Variants in SPMIP2 observed in about 807,000 individuals in gnomAD.
SPMIP2 encodes the protein protein SPMIP2.
chr4:158,942,763 C>A, the SPMIP2 span, among the ~76,000 whole-genome samples: 1 of 152,036 alleles, frequency 6.6e-6, no homozygotes, highest in Admixed American at 6.6e-5. Context: ...GACCACAGAG[C>A]AAGACTCTGT....
At chr4:159,063,699 C>A in the SPMIP2 span, among the ~76,000 whole-genome samples, 1 of 151,922 alleles carries the variant, frequency 6.6e-6, no homozygotes, top group African/African-American at 2.4e-5. Context: ...TATCAAAAGA[C>A]GGCCGAAAGC....
the SPMIP2 span, among the ~76,000 whole-genome samples, chr4:158,953,853 G>A: frequency 4.6e-5 from 7 of 152,154 alleles, no homozygotes; most frequent in Admixed American, 6.5e-5. Flanking sequence ...GACTTGCATG[G>A]GCCCTGTAAC....
At chr4:158,958,478 C>T in the SPMIP2 span, among the ~76,000 whole-genome samples, 523 of 152,292 alleles carry the variant, frequency 3.4e-3, 3 homozygotes, top group African/African-American at 0.012. Context: ...CAATGTCTGC[C>T]TCCTCCCCTA....
At chr4:158,917,445 G>A in the SPMIP2 span, among the ~76,000 whole-genome samples, 1 of 151,704 alleles carries the variant, frequency 6.6e-6, no homozygotes, top group Non-Finnish European at 1.5e-5. Context: ...AACCTCAGTT[G>A]ATCCTTCTGG....
At chr4:159,024,142 A>G in the SPMIP2 span, among the ~76,000 whole-genome samples, 1 of 152,338 alleles carries the variant, frequency 6.6e-6, no homozygotes, top group African/African-American at 2.4e-5. Context: ...TCCAGAAATT[A>G]TCTCCTTATT....
At chr4:158,973,236 A>G in the SPMIP2 span, 3 of 1,613,734 alleles carry the variant, frequency 1.9e-6, no homozygotes, top group Admixed American at 3.3e-5. Context: ...AGTTTTTTCT[A>G]ACGCCAGATG....
chr4:159,005,575 C>A, the SPMIP2 span, among the ~76,000 whole-genome samples: 1 of 152,120 alleles, frequency 6.6e-6, no homozygotes, highest in Non-Finnish European at 1.5e-5. Context: ...CAGCCACTAG[C>A]CACATGTGTT....
the SPMIP2 span, among the ~76,000 whole-genome samples, chr4:158,917,739 T>C: frequency 1.4e-5 from 2 of 144,560 alleles, no homozygotes; most frequent in South Asian, 2.2e-4. Flanking sequence ...TTTTTTTTTT[T>C]TTTTGAGACA....
the SPMIP2 span, among the ~76,000 whole-genome samples, chr4:158,900,816 G>A: frequency 6.6e-6 from 1 of 152,104 alleles, no homozygotes; most frequent in Non-Finnish European, 1.5e-5. Context: ...TTTAATTGGG[G>A]CATTTAGCCC....
At chr4:158,919,912 C>T in the SPMIP2 span, among the ~76,000 whole-genome samples, 2 of 152,082 alleles carry the variant, frequency 1.3e-5, no homozygotes, top group Admixed American at 1.3e-4. Context: ...CTTTTCCCAC[C>T]CCAGCCCTGG....
the SPMIP2 span, among the ~76,000 whole-genome samples, chr4:158,899,344 A>G: frequency 1.3e-5 from 2 of 152,162 alleles, no homozygotes; most frequent in Non-Finnish European, 2.9e-5. Context: ...TTTTGCTTTC[A>G]GGATGATGCT....
chr4:158,965,189 G>A, the SPMIP2 span, among the ~76,000 whole-genome samples: 1 of 151,548 alleles, frequency 6.6e-6, no homozygotes, highest in African/African-American at 2.4e-5. Flanking sequence ...TTTTCTCCCA[G>A]TATCCTTCCA....
chr4:159,013,758 A>G, the SPMIP2 span, among the ~76,000 whole-genome samples: 4 of 151,198 alleles, frequency 2.6e-5, no homozygotes, highest in Admixed American at 6.6e-5. Context: ...ACAATGCAAT[A>G]TTATTTAGTC....
At chr4:158,995,495 G>A in the SPMIP2 span, among the ~76,000 whole-genome samples, 4 of 152,094 alleles carry the variant, frequency 2.6e-5, no homozygotes, top group Admixed American at 1.3e-4. Flanking sequence ...GTGAACAAAG[G>A]TCATTATGAC....
the SPMIP2 span, among the ~76,000 whole-genome samples, chr4:158,947,131 G>A: frequency 2.6e-5 from 4 of 152,104 alleles, no homozygotes; most frequent in African/African-American, 7.2e-5. Flanking sequence ...AAGTAAGAAT[G>A]GGCACTAATT....
At chr4:158,983,205 A>G in the SPMIP2 span, among the ~76,000 whole-genome samples, 10 of 152,154 alleles carry the variant, frequency 6.6e-5, no homozygotes, top group African/African-American at 1.9e-4. Flanking sequence ...TGAAAATGAC[A>G]GGGAGAATGG....
the SPMIP2 span, among the ~76,000 whole-genome samples, chr4:159,060,489 G>A: frequency 3.0e-4 from 46 of 152,194 alleles, no homozygotes; most frequent in African/African-American, 1.0e-3. Context: ...CAGGAAAAAT[G>A]ATTGTTTCCC....
chr4:158,915,319 T>C, the SPMIP2 span: 14 of 1,613,218 alleles, frequency 8.7e-6, no homozygotes, highest in Non-Finnish European at 1.2e-5. Context: ...GAAGCGCGAC[T>C]CTGTTTTCCT....
the SPMIP2 span, among the ~76,000 whole-genome samples, chr4:159,059,274 A>G: frequency 2.0e-5 from 3 of 152,250 alleles, no homozygotes; most frequent in Admixed American, 6.5e-5. Flanking sequence ...AAGTTTTTCT[A>G]AGGTTCTGTA....
Sources: gnomAD v4.1 joint callset for allele counts (sites outside exome capture counted in the v4.1 genomes callset) on GRCh38, gnomAD v4.1.1 for gene constraint, MANE v1.5 for transcripts, NCBI Gene and HGNC (gene_info 2026-07-23, HGNC 2026-07-21) for gene names.